Variants in GFRAL observed in about 807,000 individuals in gnomAD.
GFRAL encodes the protein GDNF family receptor alpha-like.
Under a neutral mutation model 45.4 loss-of-function variants are expected in GFRAL, and 36 were observed. The observed-to-expected ratio is 0.79, with a 90% CI of 0.61 to 1.05. The LOEUF is 1.05. Ranked by LOEUF, GFRAL falls within the 50% of genes least tolerant of loss-of-function variation. The pLI is 0.00. For missense variants in GFRAL, 507 were observed against 467.5 expected, an observed-to-expected ratio of 1.08 and a Z score of -0.78; for synonymous variants, 166 against 154.1, an observed-to-expected ratio of 1.08 and a Z score of -0.57.
chr6:55,352,824 T>G (rs114469578), intron 5 of GFRAL, among the ~76,000 whole-genome samples: 2,016 of 152,114 alleles, frequency 0.013, 25 homozygotes, highest in Non-Finnish European at 0.022. Flanking sequence ...GGGAGTAATG[T>G]TAGTCGTTTA....
chr6:55,357,665 A>G (rs941854917), intron 5 of GFRAL, among the ~76,000 whole-genome samples: 1 of 151,742 alleles, frequency 6.6e-6, no homozygotes, highest in Admixed American at 6.6e-5. Context: ...ACTTTAGTCC[A>G]TTTACATTTC....
chr6:55,333,697 C>A, intron 2 of GFRAL, 89 bp from the exon 3 acceptor site: 1 of 689,500 alleles, frequency 1.5e-6, no homozygotes, highest in South Asian at 4.6e-5. Flanking sequence ...ATTAATTATT[C>A]AGGTTAATAT....
intron 6 of GFRAL, among the ~76,000 whole-genome samples, chr6:55,373,295 G>A (rs1768477930): frequency 6.6e-6 from 1 of 151,952 alleles, no homozygotes; most frequent in South Asian, 2.1e-4. Flanking sequence ...TTTTTCCACG[G>A]CCATATCTGA....
chr6:55,332,060 A>C (rs1767837707), intron 2 of GFRAL, among the ~76,000 whole-genome samples: 1 of 152,210 alleles, frequency 6.6e-6, no homozygotes, highest in South Asian at 2.1e-4. Context: ...TACTGAGGGC[A>C]GCATTATTCA....
At chr6:55,342,056 C>A (rs1249461603) in intron 3 of GFRAL, among the ~76,000 whole-genome samples, 3 of 152,108 alleles carry the variant, frequency 2.0e-5, no homozygotes, top group Non-Finnish European at 4.4e-5. Context: ...GATTGGTGTA[C>A]CTGAAAGTGA....
chr6:55,359,656 C>T (rs916211848), intron 6 of GFRAL, among the ~76,000 whole-genome samples: 14 of 151,944 alleles, frequency 9.2e-5, no homozygotes, highest in African/African-American at 3.4e-4. Flanking sequence ...TATTAGCAGA[C>T]ACCATTTTCT....
At chr6:55,364,651 A>G (rs963903419) in intron 6 of GFRAL, among the ~76,000 whole-genome samples, 3 of 150,814 alleles carry the variant, frequency 2.0e-5, no homozygotes, top group Non-Finnish European at 4.4e-5. Context: ...TCAGCTTTCT[A>G]CATATGGCTA....
At chr6:55,386,767 A>G (rs553114877) in intron 6 of GFRAL, among the ~76,000 whole-genome samples, 9 of 152,196 alleles carry the variant, frequency 5.9e-5, no homozygotes, top group Non-Finnish European at 4.4e-5. Context: ...AGTGGAGACA[A>G]ATGCTGGCTT....
intron 6 of GFRAL, among the ~76,000 whole-genome samples, chr6:55,363,427 CTTAA>C (rs1247493517): frequency 1.9e-5 from 2 of 102,938 alleles, no homozygotes; most frequent in Non-Finnish European, 3.7e-5. Context: ...TACATGGTAG[CTTAA>C]TTCTTTTTTT....
At chr6:55,379,460 T>C (rs1011458383) in intron 6 of GFRAL, among the ~76,000 whole-genome samples, 11 of 151,914 alleles carry the variant, frequency 7.2e-5, no homozygotes, top group Admixed American at 6.6e-4. Flanking sequence ...TGAATACTGC[T>C]ACACATTTTT....
At chr6:55,384,500 G>C (rs928018421) in intron 6 of GFRAL, among the ~76,000 whole-genome samples, 1 of 151,994 alleles carries the variant, frequency 6.6e-6, no homozygotes, top group Non-Finnish European at 1.5e-5. Flanking sequence ...CAACTGATGG[G>C]ACAGATAAAA....
At chr6:55,368,760 CA>C (rs1378599171) in intron 6 of GFRAL, among the ~76,000 whole-genome samples, 2 of 152,172 alleles carry the variant, frequency 1.3e-5, no homozygotes, top group Non-Finnish European at 2.9e-5. Context: ...GCTTGGGGGT[CA>C]GGGGTCAGGG....
chr6:55,343,737 T>G (rs1419180255), intron 3 of GFRAL, among the ~76,000 whole-genome samples: 2 of 151,976 alleles, frequency 1.3e-5, no homozygotes, highest in African/African-American at 4.8e-5. Context: ...ATGAATCCAG[T>G]AACTGGTTTT....
intron 6 of GFRAL, among the ~76,000 whole-genome samples, chr6:55,395,947 C>T (rs1279894853): frequency 6.6e-6 from 1 of 151,928 alleles, no homozygotes; most frequent in African/African-American, 2.4e-5. Context: ...TTTAATTTCT[C>T]CAGGGTACAA....
At chr6:55,365,690 G>T (rs1417378899) in intron 6 of GFRAL, among the ~76,000 whole-genome samples, 1 of 145,844 alleles carries the variant, frequency 6.9e-6, no homozygotes, top group African/African-American at 2.6e-5. Context: ...TGCATCTATT[G>T]AGATAATCAT....
At chr6:55,365,652 G>T (rs1768351406) in intron 6 of GFRAL, among the ~76,000 whole-genome samples, 3 of 137,970 alleles carry the variant, frequency 2.2e-5, no homozygotes, top group Admixed American at 7.3e-5. Flanking sequence ...AGCATGAAGG[G>T]TTGTTGAATT....
At chr6:55,362,939 G>A (rs754798106) in intron 6 of GFRAL, among the ~76,000 whole-genome samples, 7 of 150,390 alleles carry the variant, frequency 4.7e-5, no homozygotes, top group Non-Finnish European at 1.0e-4. Flanking sequence ...AGAAGTAGGA[G>A]GAGAGAAAGG....
At chr6:55,364,198 G>C (rs1446485437) in intron 6 of GFRAL, among the ~76,000 whole-genome samples, 13 of 151,118 alleles carry the variant, frequency 8.6e-5, no homozygotes, top group African/African-American at 2.9e-4. Flanking sequence ...GTGATGATGA[G>C]CATTTTTTCA....
chr6:55,337,919 C>T (rs1207382223), intron 3 of GFRAL, among the ~76,000 whole-genome samples: 3 of 152,022 alleles, frequency 2.0e-5, no homozygotes, highest in Non-Finnish European at 4.4e-5. Flanking sequence ...AACCTTGAGC[C>T]ACTGATTTGA....
Sources: gnomAD v4.1 joint callset for allele counts (sites outside exome capture counted in the v4.1 genomes callset) on GRCh38, gnomAD v4.1.1 for gene constraint, MANE v1.5 for transcripts, NCBI Gene and HGNC (gene_info 2026-07-23, HGNC 2026-07-21) for gene names.